IL3RA: variants seen among roughly 807,000 people sequenced by gnomAD.
IL3RA encodes the protein interleukin-3 receptor subunit alpha.
A neutral mutation model predicts 52.3 loss-of-function variants in IL3RA; 73 were observed. That is an observed-to-expected ratio of 1.40 (90% CI 1.16 to 1.70). The LOEUF (loss-of-function observed/expected upper bound fraction) is 1.70, where lower values mean the gene tolerates loss of function less well. Ranked by LOEUF, IL3RA falls within the 40% of genes most tolerant of loss-of-function variation. The pLI is 0.00. For missense variants in IL3RA, 664 were observed against 504.4 expected (o/e 1.32, Z -3.03); for synonymous variants, 260 against 194.0 (o/e 1.34, Z -2.83).
chrX:1,378,220 A>T (rs191901227), intron 9 of IL3RA, among the ~76,000 whole-genome samples: 1 of 151,550 alleles, frequency 6.6e-6, no homozygotes, highest in African/African-American at 2.4e-5. Context: ...AGAAAAAATT[A>T]ACACACACAC....
chrX:1,380,586 GGGAA>G, intron 10 of IL3RA, among the ~76,000 whole-genome samples: 1 of 22,164 alleles, frequency 4.5e-5, no homozygotes, highest in African/African-American at 3.3e-4. Context: ...GTGGGGGAGG[GGGAA>G]GGGGGAGGAG....
intron 6 of IL3RA, 78 bp from the exon 7 acceptor site, chrX:1,356,143 C>T: frequency 1.1e-6 from 1 of 933,226 alleles, no homozygotes; most frequent in Non-Finnish European, 1.7e-6. Flanking sequence ...TGAAGTATCT[C>T]CAGAAAAAAA....
At chrX:1,350,033 A>T (rs1228461615) in intron 4 of IL3RA, among the ~76,000 whole-genome samples, 2 of 152,204 alleles carry the variant, frequency 1.3e-5, no homozygotes, top group African/African-American at 4.8e-5. Context: ...AGAGCGTGAC[A>T]CACACAGTGA....
chrX:1,340,580 A>G (rs1201223694), intron 1 of IL3RA, among the ~76,000 whole-genome samples: 14 of 152,164 alleles, frequency 9.2e-5, no homozygotes, highest in African/African-American at 3.1e-4. Context: ...AGACTCATGC[A>G]TGTATATTTG....
rs2087884857 is a variant in IL3RA at position 1,365,364 on chromosome X, AGCCGGGTGC to A, written c.874+115_874+123del. On this transcript the variant is annotated intron_variant, in intron 9 of 11. Coordinates refer to ENST00000331035, the MANE Select transcript of IL3RA (RefSeq NM_002183.4). ...CGGGGTGAGCGGGGTGAGCGGGGTG[AGCCGGGTGC>A]GCGGGGTGAGCCGGCTGCGCGGGGT... 2.5e-5 allele frequency: 6 copies of A among 240,056 alleles called. No homozygotes were observed. In the South Asian group the frequency reaches 2.6e-4, roughly 10 times the overall value. 14.9% of individuals were successfully genotyped at this position (240,056 alleles called of 1,614,324 possible).
intron 9 of IL3RA, among the ~76,000 whole-genome samples, chrX:1,378,274 G>A (rs1313796497): frequency 5.3e-5 from 8 of 151,408 alleles, no homozygotes; most frequent in Non-Finnish European, 1.0e-4. Flanking sequence ...AAGCACGCAC[G>A]CCAGTGCTGC....
chrX:1,340,599 CAT>C (rs1158887522), intron 1 of IL3RA, among the ~76,000 whole-genome samples: 12 of 152,326 alleles, frequency 7.9e-5, no homozygotes, highest in Non-Finnish European at 1.5e-4. Context: ...TGTGTATGCA[CAT>C]ATATTTATGC....
chrX:1,358,022 G>A (rs1200923969), intron 7 of IL3RA, among the ~76,000 whole-genome samples: 3 of 151,038 alleles, frequency 2.0e-5, no homozygotes, highest in Admixed American at 6.6e-5. Context: ...GGAGAATGGC[G>A]TAAACCCAGA....
intron 6 of IL3RA, among the ~76,000 whole-genome samples, chrX:1,355,832 G>T (rs1177781752): frequency 1.3e-5 from 2 of 152,014 alleles, no homozygotes; most frequent in Non-Finnish European, 2.9e-5. Context: ...CCCTGGGCAG[G>T]GGTGGGGAGT....
At position 1,344,070 on chromosome X, in the gene IL3RA, G is replaced by A. The variant is rs183719308; in HGVS notation, c.65-1246G>A. On this transcript the variant is annotated intron_variant, in intron 2 of 11. Coordinates refer to ENST00000331035, the MANE Select transcript of IL3RA (RefSeq NM_002183.4). Reference sequence around the variant, plus strand: ...TGGCCTCCCAAAGTGCTGGGATGACGGGCGTGAGCCACCACGCCCGTTTGC... The same window carrying A: ...TGGCCTCCCAAAGTGCTGGGATGACAGGCGTGAGCCACCACGCCCGTTTGC... Among the ~76,000 whole-genome samples, 628 of 151,868 alleles carry A rather than the reference G, an allele frequency of 4.1e-3. 5 individuals carry two copies. Among genetic ancestry groups the A allele is most frequent in the South Asian group, 0.014 (69 of 4,808 alleles).
chrX:1,361,639 G>C (rs1393712795), intron 8 of IL3RA, among the ~76,000 whole-genome samples: 3 of 151,638 alleles, frequency 2.0e-5, no homozygotes, highest in Non-Finnish European at 4.4e-5. Flanking sequence ...TGTGGTCCCA[G>C]CTACTCGGGA....
At chrX:1,363,127 G>A (rs1303814254) in intron 8 of IL3RA, among the ~76,000 whole-genome samples, 6 of 148,970 alleles carry the variant, frequency 4.0e-5, no homozygotes, top group African/African-American at 1.5e-4. Flanking sequence ...GGCCCCCCCT[G>A]ATCCAAAATG....
At chrX:1,380,843 C>A (rs1362641090) in intron 10 of IL3RA, among the ~76,000 whole-genome samples, 180 bp from the exon 11 acceptor site, 3 of 151,802 alleles carry the variant, frequency 2.0e-5, no homozygotes, top group African/African-American at 7.3e-5. Flanking sequence ...CCAGCGCCTG[C>A]CTATGATGAT....
chrX:1,359,772 C>CATTCTCCCTCCCTCTTTT (rs1240173744), intron 8 of IL3RA, among the ~76,000 whole-genome samples: 6 of 147,990 alleles, frequency 4.1e-5, no homozygotes, highest in Non-Finnish European at 7.5e-5. Flanking sequence ...CTCCCTCTCT[C>CATTCTCCCTCCCTCTTTT]ATTCTCCCTC....
intron 4 of IL3RA, among the ~76,000 whole-genome samples, chrX:1,350,533 G>A (rs1414644359): frequency 1.3e-5 from 2 of 148,850 alleles, no homozygotes; most frequent in African/African-American, 5.0e-5. Context: ...AGATTGCGGT[G>A]AGCTGAGATC....
intron 3 of IL3RA, among the ~76,000 whole-genome samples, chrX:1,346,176 A>G (rs1358969134): frequency 1.3e-5 from 2 of 151,846 alleles, no homozygotes; most frequent in Admixed American, 6.6e-5. Context: ...AGCCGGGCAC[A>G]GTGGCTCACA....
intron 4 of IL3RA, 147 bp downstream of exon 4, chrX:1,348,692 T>TTCTCTCTC: frequency 3.6e-6 from 1 of 279,840 alleles, no homozygotes; most frequent in Non-Finnish European, 7.0e-6. Flanking sequence ...CTTTCTTTCT[T>TTCTCTCTC]TTTCTTTCTT....
intron 3 of IL3RA, among the ~76,000 whole-genome samples, chrX:1,346,746 T>C (rs753630211): frequency 4.0e-5 from 6 of 151,544 alleles, no homozygotes; most frequent in African/African-American, 1.5e-4. Context: ...CCAGACCTCA[T>C]GGGGTGGCCC....
chrX:1,345,247 C>A, intron 2 of IL3RA, 69 bp from the exon 3 acceptor site: 4 of 955,784 alleles, frequency 4.2e-6, no homozygotes, highest in Non-Finnish European at 6.3e-6. Context: ...AAAAAAAAAC[C>A]ATACCCCTTA....
Sources: allele counts gnomAD v4.1 joint callset (sites outside exome capture counted in the v4.1 genomes callset), GRCh38; gene constraint gnomAD v4.1.1; transcripts MANE v1.5; gene names NCBI Gene and HGNC (gene_info 2026-07-23, HGNC 2026-07-21).